FUBP3: variants seen among roughly 807,000 people sequenced by gnomAD.
FUBP3 encodes far upstream element binding protein 3, also known as far upstream element-binding protein 3.
In FUBP3, 28 loss-of-function variants were observed where a neutral mutation model predicts 85.6. That is an observed-to-expected ratio of 0.33 (90% CI 0.24 to 0.45). FUBP3 has a LOEUF of 0.45. Ranked by LOEUF, FUBP3 falls within the 20% of genes least tolerant of loss-of-function variation. The probability of loss-of-function intolerance (pLI) is 1.00; values close to 1 mark genes in which losing one functional copy is unlikely to be tolerated. For missense variants in FUBP3, 583 were observed against 755.1 expected, an observed-to-expected ratio of 0.77 and a Z score of 2.67; for synonymous variants, 271 against 271.4, an observed-to-expected ratio of 1.00 and a Z score of 0.01.
At chr9:130,580,343 C>T (rs1037824599) in intron 1 of FUBP3, among the ~76,000 whole-genome samples, 1 of 152,112 alleles carries the variant, frequency 6.6e-6, no homozygotes, top group Non-Finnish European at 1.5e-5. Flanking sequence ...ATGATATGGC[C>T]TCATTCCGAC....
rs950801643 is a variant in FUBP3, at chr9:130,635,646, A to C, written c.1583-353A>C. 6.6e-6 allele frequency among the ~76,000 whole-genome samples: 1 copy of C among 152,066 alleles called. No individual in the cohort carries two copies. The highest frequency in any genetic ancestry group is 1.5e-5 in the Non-Finnish European group (1 of 67,986). On this transcript the variant is annotated intron_variant, in intron 17 of 18. Coordinates refer to ENST00000319725, the MANE Select transcript of FUBP3 (RefSeq NM_003934.2). This position sits in a 1 kb window ranked among gnomAD's most constrained non-coding sequence, Gnocchi z 4.3. ...ATTTGGACACTATCACAGGCACCCA[A>C]GTTAGGTACTCCCCTTCTCCCCCAC...
At chr9:130,619,824 TTTG>T (rs532223423) in intron 8 of FUBP3, among the ~76,000 whole-genome samples, 26 of 152,070 alleles carry the variant, frequency 1.7e-4, no homozygotes, top group Admixed American at 3.9e-4. Flanking sequence ...GGCTTGCCCT[TTTG>T]TTGTTGTTGT....
chr9:130,636,333 AGTGGGAGGATT>A (rs1303103581), intron 18 of FUBP3: 1 of 675,260 alleles, frequency 1.5e-6, no homozygotes, highest in African/African-American at 1.8e-5. Context: ...GTTTAGGCCA[AGTGGGAGGATT>A]GGGGGCGCAG....
intron 17 of FUBP3, 115 bp downstream of exon 17, chr9:130,634,853 G>T: frequency 1.3e-6 from 1 of 795,218 alleles, no homozygotes; most frequent in Middle Eastern, 2.3e-4. Flanking sequence ...TGTGTGGCTT[G>T]ATCTCATTAT....
At position 130,635,901 on chromosome 9, in the gene FUBP3, C is replaced by A; in HGVS notation, c.1583-98C>A. ...CCTCCCAGACCTCCCTGCCTTCCAG[C>A]CGTCCGGAGGGAGAGCAGATGCCCA... On this transcript the variant is annotated intron_variant, in intron 17 of 18. Coordinates refer to ENST00000319725, the MANE Select transcript of FUBP3 (RefSeq NM_003934.2). The surrounding 1 kb of genome is among the most constrained non-coding windows in gnomAD (Gnocchi z 4.3). 1.6e-6 allele frequency: 2 copies of A among 1,273,034 alleles called. No homozygotes were observed. The highest frequency in any genetic ancestry group is 1.1e-6 in the Non-Finnish European group (1 of 915,074). 78.9% of individuals were successfully genotyped at this position (1,273,034 alleles called of 1,614,324 possible). A position where few individuals can be genotyped will look rare whatever the true frequency, so the allele number is the denominator to read the frequency against.
chr9:130,595,716 G>A (rs757935017), intron 2 of FUBP3, 128 bp downstream of exon 2: 1 of 684,336 alleles, frequency 1.5e-6, no homozygotes, highest in Non-Finnish European at 2.7e-6. Flanking sequence ...TTGAAGGGAA[G>A]TATTTAGGAT....
chr9:130,579,847 G>A (rs1037704688), intron 1 of FUBP3, 83 bp downstream of exon 1: 2 of 843,580 alleles, frequency 2.4e-6, no homozygotes, highest in South Asian at 6.0e-5. Context: ...GGCCTGGGGG[G>A]CGGGAGGCAG....
chr9:130,598,990 G>T (rs1831001080), intron 2 of FUBP3, among the ~76,000 whole-genome samples: 1 of 152,024 alleles, frequency 6.6e-6, no homozygotes, highest in East Asian at 1.9e-4. Context: ...TAGCAAAACC[G>T]TATTTCCGAA....
Position 130,579,613 on chromosome 9 carries a change from CCGGACCGGGGAGCCGAGCGGCGGCGTCGG to C in FUBP3, c.-64_-36del, listed in dbSNP as rs1210701073. The C allele has an allele frequency of 9.9e-7, 1 of 1,008,904 alleles. No homozygotes were observed. Among genetic ancestry groups the C allele is most frequent in the Non-Finnish European group, 1.3e-6 (1 of 785,722 alleles). The allele number at this position is 1,008,904 out of a possible 1,614,324, so 62.5% of individuals were successfully genotyped here. ...ACGGGTCCCCAAGCGGAGCGGGAGG[CCGGACCGGGGAGCCGAGCGGCGGCGTCGG>C]CGGCGTCGGCGGCGGCGGCGACGGC... On this transcript the variant is annotated 5_prime_UTR_variant, in exon 1 of 19. Coordinates refer to ENST00000319725, the MANE Select transcript of FUBP3 (RefSeq NM_003934.2).
intron 12 of FUBP3, among the ~76,000 whole-genome samples, chr9:130,629,125 G>A (rs1830110583): frequency 1.3e-5 from 2 of 152,134 alleles, no homozygotes; most frequent in South Asian, 4.1e-4. Flanking sequence ...TGCTTTTCAT[G>A]GTGCAGAGAA....
At chr9:130,613,667 T>C (rs1831863358) in intron 5 of FUBP3, among the ~76,000 whole-genome samples, 2 of 152,270 alleles carry the variant, frequency 1.3e-5, no homozygotes, top group South Asian at 4.1e-4. Flanking sequence ...AAGATACTTA[T>C]TACAGTGTCT....
chr9:130,605,975 C>T (rs559271814), intron 2 of FUBP3, among the ~76,000 whole-genome samples: 1 of 152,276 alleles, frequency 6.6e-6, no homozygotes, highest in Non-Finnish European at 1.5e-5. Flanking sequence ...CAGAGCGAGA[C>T]TCTGTCTCAA....
Position 130,616,635 on chromosome 9 carries a change from G to A in FUBP3, c.567+118G>A, listed in dbSNP as rs927044690. 31 of 896,088 alleles carry A rather than the reference G, an allele frequency of 3.5e-5. No homozygotes were observed. The highest frequency in any genetic ancestry group is 1.2e-5 in the Non-Finnish European group (7 of 579,284). The allele number at this position is 896,088 out of a possible 1,614,324, so 55.5% of individuals were successfully genotyped here. ...GGCTGGGCTGGCTTTGTGCAGCATT[G>A]TGCTGAGGCTTCCTTCCTCCATTTG... On this transcript the variant is annotated intron_variant, in intron 7 of 18. Coordinates refer to ENST00000319725, the MANE Select transcript of FUBP3 (RefSeq NM_003934.2). The surrounding 1 kb of genome is among the most constrained non-coding windows in gnomAD (Gnocchi z 4.7).
chr9:130,607,137 A>T (rs1167257109), intron 2 of FUBP3, among the ~76,000 whole-genome samples: 6 of 143,924 alleles, frequency 4.2e-5, no homozygotes, highest in African/African-American at 1.0e-4. Context: ...TAATTTGTGT[A>T]TTTTTTTTTT....
At chr9:130,611,211 G>A (rs1378781090) in intron 3 of FUBP3, among the ~76,000 whole-genome samples, 1 of 152,190 alleles carries the variant, frequency 6.6e-6, no homozygotes, top group African/African-American at 2.4e-5. Context: ...GACAGCTCAT[G>A]CTACACATGG....
chr9:130,599,120 G>A (rs1481680681), intron 2 of FUBP3, among the ~76,000 whole-genome samples: 1 of 152,088 alleles, frequency 6.6e-6, no homozygotes, highest in African/African-American at 2.4e-5. Context: ...GTGAAACCCC[G>A]TCTCTACTAA....
At chr9:130,581,764 C>G (rs1435089772) in intron 1 of FUBP3, 1 of 152,184 alleles carries the variant, frequency 6.6e-6, no homozygotes, top group East Asian at 1.9e-4. Flanking sequence ...TTTTATGTCT[C>G]CTCATAAACT....
At chr9:130,599,377 GTGTGTGTA>G (rs778887549) in intron 2 of FUBP3, among the ~76,000 whole-genome samples, 3,165 of 123,148 alleles carry the variant, frequency 0.026, 114 homozygotes, top group African/African-American at 0.083. Flanking sequence ...GTGTGTGTGT[GTGTGTGTA>G]TATATATATA....
chr9:130,589,667 ATG>A (rs201160322), intron 1 of FUBP3, among the ~76,000 whole-genome samples: 1,916 of 59,458 alleles, frequency 0.032, 63 homozygotes, highest in African/African-American at 0.095. Flanking sequence ...ATATGTATGT[ATG>A]TGTGTGTATA....
Sources: allele counts gnomAD v4.1 joint callset (sites outside exome capture counted in the v4.1 genomes callset), GRCh38; gene constraint gnomAD v4.1.1; non-coding constraint Gnocchi (gnomAD v3.1); transcripts MANE v1.5; gene names NCBI Gene and HGNC (gene_info 2026-07-23, HGNC 2026-07-21).